Variants in CFAP97D2 observed in about 807,000 individuals in gnomAD.
The protein encoded by CFAP97D2 is uncharacterized protein CFAP97D2.
At chr13:114,219,272 C>G (rs7326383) in intron 4 of CFAP97D2, among the ~76,000 whole-genome samples, 9,923 of 152,214 alleles carry the variant, frequency 0.065, 550 homozygotes, top group African/African-American at 0.13. Flanking sequence ...GTCCCAGAGG[C>G]TTTCCCCGCT....
intron 1 of CFAP97D2, among the ~76,000 whole-genome samples, chr13:114,182,514 A>G (rs1048446545): frequency 6.6e-6 from 1 of 151,770 alleles, no homozygotes; most frequent in Non-Finnish European, 1.5e-5. Flanking sequence ...GGGTACAGTC[A>G]GGTCTTTCTC....
chr13:114,182,379 T>C (rs897101046), intron 1 of CFAP97D2, among the ~76,000 whole-genome samples: 5 of 152,008 alleles, frequency 3.3e-5, no homozygotes, highest in Admixed American at 6.6e-5. Flanking sequence ...CAATCGGGTT[T>C]TATACCGAGA....
At chr13:114,209,845 C>G (rs1446937086) in intron 3 of CFAP97D2, among the ~76,000 whole-genome samples, 1 of 152,182 alleles carries the variant, frequency 6.6e-6, no homozygotes, top group Non-Finnish European at 1.5e-5. Context: ...ATGCCCAGGC[C>G]AATGCTCGGC....
chr13:114,218,198 G>A (rs1029477379), intron 4 of CFAP97D2, among the ~76,000 whole-genome samples: 22 of 152,192 alleles, frequency 1.4e-4, no homozygotes, highest in African/African-American at 5.3e-4. Flanking sequence ...CAAAATCAAT[G>A]TGCAAAAATC....
chr13:114,184,781 G>C (rs1406096787), intron 1 of CFAP97D2, among the ~76,000 whole-genome samples: 3 of 152,062 alleles, frequency 2.0e-5, no homozygotes. Context: ...TCCACATAAA[G>C]AAAGGAAACC....
chr13:114,212,878 G>A (rs1429549644), intron 4 of CFAP97D2, among the ~76,000 whole-genome samples: 1 of 151,894 alleles, frequency 6.6e-6, no homozygotes, highest in Non-Finnish European at 1.5e-5. Context: ...AAATTAAAAA[G>A]AAAAGGAAAA....
intron 1 of CFAP97D2, 34 bp from the exon 2 acceptor site, chr13:114,196,362 T>C (rs917322388): frequency 7.5e-6 from 3 of 399,530 alleles, no homozygotes; most frequent in South Asian, 2.5e-4. Flanking sequence ...TTTCCAATAC[T>C]GCGCCCAGGT....
chr13:114,216,569 C>G (rs2080994295), intron 4 of CFAP97D2, among the ~76,000 whole-genome samples: 1 of 152,110 alleles, frequency 6.6e-6, no homozygotes, highest in Admixed American at 6.5e-5. Flanking sequence ...CAATAGTTTG[C>G]TGAGAATGAT....
intron 1 of CFAP97D2, among the ~76,000 whole-genome samples, chr13:114,182,199 T>C (rs142113524): frequency 0.016 from 2,243 of 142,588 alleles, 151 homozygotes; most frequent in South Asian, 0.058. Flanking sequence ...ATGTCGTAAT[T>C]AAGTTCAAGG....
chr13:114,187,638 C>T lies in CFAP97D2; in HGVS notation c.90+8218C>T, dbSNP rs910773281. 1.3e-5 allele frequency among the ~76,000 whole-genome samples: 2 copies of T among 152,048 alleles called. No individual in the cohort carries two copies. Among genetic ancestry groups the T allele is most frequent in the African/African-American group, 4.8e-5 (2 of 41,384 alleles). ...ACTACAAGAAAAAATAGATGAATCC[C>T]CTTATCACAATTGGAGACTTCAACA... On this transcript the variant is annotated intron_variant, in intron 1 of 4. Coordinates refer to ENST00000646158, the Ensembl canonical transcript of CFAP97D2. This position sits in a 1 kb window ranked among gnomAD's most constrained non-coding sequence, Gnocchi z 4.2.
At chr13:114,192,410 A>AT (rs961540997) in intron 1 of CFAP97D2, among the ~76,000 whole-genome samples, 6 of 152,098 alleles carry the variant, frequency 3.9e-5, no homozygotes, top group Admixed American at 6.6e-5. Context: ...ATCATTTAAA[A>AT]TTTTTTTTAA....
intron 2 of CFAP97D2, among the ~76,000 whole-genome samples, chr13:114,197,767 C>A (rs1423418998): frequency 6.6e-6 from 1 of 152,200 alleles, no homozygotes; most frequent in Non-Finnish European, 1.5e-5. Context: ...ACTGCAGCCT[C>A]TGCCTCCCAG....
intron 4 of CFAP97D2, among the ~76,000 whole-genome samples, chr13:114,217,357 T>C (rs1420400641): frequency 1.3e-5 from 2 of 152,056 alleles, no homozygotes; most frequent in Admixed American, 1.3e-4. Context: ...AATACACCAA[T>C]AACAGGTTCT....
chr13:114,219,973 G>A (rs188413370), intron 4 of CFAP97D2, among the ~76,000 whole-genome samples: 29 of 152,174 alleles, frequency 1.9e-4, no homozygotes, highest in East Asian at 1.5e-3. Context: ...TGCGTCTCTC[G>A]GTGGTGCTTC....
intron 4 of CFAP97D2, among the ~76,000 whole-genome samples, chr13:114,217,307 C>G (rs1367204399): frequency 6.6e-6 from 1 of 152,114 alleles, no homozygotes; most frequent in Non-Finnish European, 1.5e-5. Context: ...TGGACACATA[C>G]ACCCTCCCAA....
chr13:114,184,220 A>C (rs2080847142), intron 1 of CFAP97D2, among the ~76,000 whole-genome samples: 1 of 152,226 alleles, frequency 6.6e-6, no homozygotes, highest in South Asian at 2.1e-4. Context: ...TGAATAAAGC[A>C]GAAAAGGCTA....
intron 3 of CFAP97D2, among the ~76,000 whole-genome samples, chr13:114,208,693 C>T (rs531042975): frequency 7.2e-5 from 11 of 152,268 alleles, no homozygotes; most frequent in South Asian, 2.1e-4. Flanking sequence ...GAAAATATGA[C>T]GCAATTGCTT....
chr13:114,197,523 G>A (rs1294604150), intron 2 of CFAP97D2, among the ~76,000 whole-genome samples: 3 of 152,268 alleles, frequency 2.0e-5, no homozygotes, highest in African/African-American at 4.8e-5. Context: ...TGGGAGTTGT[G>A]GAGGGGGCTT....
At chr13:114,202,310 C>T (rs1358763033) in intron 3 of CFAP97D2, among the ~76,000 whole-genome samples, 1 of 152,170 alleles carries the variant, frequency 6.6e-6, no homozygotes, top group Non-Finnish European at 1.5e-5. Context: ...AGACTGAAAA[C>T]TCAATGACAA....
Sources: allele counts gnomAD v4.1 joint callset (sites outside exome capture counted in the v4.1 genomes callset), GRCh38; gene constraint gnomAD v4.1.1; non-coding constraint Gnocchi (gnomAD v3.1); transcripts MANE v1.5; gene names NCBI Gene and HGNC (gene_info 2026-07-23, HGNC 2026-07-21).